TMEM143: variants seen among roughly 807,000 people sequenced by gnomAD.
TMEM143 encodes the protein transmembrane protein 143.
A neutral mutation model predicts 40.3 loss-of-function variants in TMEM143; 45 were observed. The observed-to-expected ratio is 1.12, with a 90% confidence interval of 0.88 to 1.43. The LOEUF is 1.43. TMEM143 is among the 40% of genes most tolerant of loss of function. The probability of loss-of-function intolerance (pLI) is 0.00; values close to 1 mark genes in which losing one functional copy is unlikely to be tolerated. For synonymous variants in TMEM143, 299 were observed against 282.7 expected (o/e 1.06, Z -0.58); for missense variants, 620 against 613.4 (o/e 1.01, Z -0.11).
chr19:48,337,066 T>A lies in TMEM143; in HGVS notation c.976-2869A>T, dbSNP rs190665397. Among the ~76,000 whole-genome samples the A allele has an allele frequency of 2.7e-4, 41 of 151,552 alleles. 1 individual carries two copies. The highest frequency in any genetic ancestry group is 5.3e-4 in the Admixed American group (8 of 15,238). On this transcript the variant is annotated intron_variant, in intron 6 of 7. Coordinates refer to ENST00000293261, the MANE Select transcript of TMEM143 (RefSeq NM_018273.4). ...AGAAAAAAAAGAAAACCTGTACCTG[T>A]ACCCAGATTCCTCCATTCAGCCACA... is the stretch of plus-strand genomic sequence containing the variant.
At chr19:48,359,664 G>A (rs891304499) in intron 3 of TMEM143, among the ~76,000 whole-genome samples, 1 of 151,718 alleles carries the variant, frequency 6.6e-6, no homozygotes, top group African/African-American at 2.4e-5. Context: ...CCCCCACCAC[G>A]CCCAGCTAAT....
chr19:48,343,476 TG>T, intron 4 of TMEM143, 25 bp from the exon 5 acceptor site: 1 of 1,556,572 alleles, frequency 6.4e-7, no homozygotes, highest in Admixed American at 1.9e-5. Context: ...AAGGAAGCAG[TG>T]GCGGGTGAAC....
chr19:48,357,851 C>G (rs1440575486), intron 3 of TMEM143, among the ~76,000 whole-genome samples: 1 of 150,450 alleles, frequency 6.6e-6, no homozygotes, highest in Non-Finnish European at 1.5e-5. Context: ...GCCGTATTCT[C>G]ACTTTATAAG....
At chr19:48,356,638 C>T (rs1356495424) in intron 3 of TMEM143, among the ~76,000 whole-genome samples, 2 of 143,974 alleles carry the variant, frequency 1.4e-5, no homozygotes, top group Non-Finnish European at 1.5e-5. Context: ...ACTCTTATTG[C>T]CCAGGCTGCA....
At chr19:48,348,705 G>A (rs556581) in intron 3 of TMEM143, among the ~76,000 whole-genome samples, 109,765 of 152,074 alleles carry the variant, frequency 0.72, 39,961 homozygotes, top group East Asian at 0.83. Flanking sequence ...GTAATTGCCC[G>A]AGGTCACATG....
intron 6 of TMEM143, among the ~76,000 whole-genome samples, chr19:48,337,286 C>T (rs963329597): frequency 1.3e-5 from 2 of 152,108 alleles, no homozygotes; most frequent in African/African-American, 2.4e-5. Flanking sequence ...CGGTGGCTCA[C>T]GCCTGTAATC....
chr19:48,342,839 G>A, intron 5 of TMEM143, 30 bp from the exon 6 acceptor site: 1 of 1,572,776 alleles, frequency 6.4e-7, no homozygotes, highest in South Asian at 1.2e-5. Context: ...GCAGGAGCAG[G>A]ATCGGGACTG....
chr19:48,334,170 C>T lies in TMEM143; in HGVS notation c.1003G>A (p.Ala335Thr), dbSNP rs764486895. The T allele has an allele frequency of 1.2e-5, 20 of 1,606,210 alleles. No individual in the cohort carries two copies. The East Asian group carries it at 3.1e-4, about 25-fold the overall frequency. Residue 335 changes from alanine (A) to threonine (T), a missense_variant, in exon 7 of 8, where the codon GCG becomes ACG. Transcript: ENST00000293261. ...KMFGQRRSAQ[A>T]LELAHMLYYR... ...TACAGCATGTGCGCCAGCTCCAACG[C>T]CTGCGCGCTGCGCCGCTGCCCGAAC...
intron 3 of TMEM143, among the ~76,000 whole-genome samples, chr19:48,353,892 A>G (rs754584674): frequency 4.0e-5 from 6 of 151,490 alleles, no homozygotes; most frequent in Non-Finnish European, 8.8e-5. Flanking sequence ...CAGCTACAGG[A>G]AGCCAGGAGA....
At chr19:48,346,011 CTGACA>C (rs1245180872) in intron 3 of TMEM143, among the ~76,000 whole-genome samples, 1 of 151,292 alleles carries the variant, frequency 6.6e-6, no homozygotes, top group African/African-American at 2.4e-5. Flanking sequence ...TCTCGAACTC[CTGACA>C]TGTGATCTAC....
At position 48,334,213 on chromosome 19, in the gene TMEM143, C is replaced by A. The variant is rs1450867994; in HGVS notation, c.976-16G>T. 3 of 1,580,824 alleles carry A rather than the reference C, an allele frequency of 1.9e-6. No individual in the cohort carries two copies. Among genetic ancestry groups the A allele is most frequent in the Admixed American group, 3.5e-5 (2 of 57,264 alleles). On this transcript the variant is annotated splice_polypyrimidine_tract_variant and intron_variant, in intron 6 of 7. Coordinates refer to ENST00000293261, the MANE Select transcript of TMEM143 (RefSeq NM_018273.4). ...GCCCGAACATCTGCAGGCGGGACAG[C>A]GCCCCGTGGGCTCAGTTCGGGGTGC...
intron 2 of TMEM143, among the ~76,000 whole-genome samples, chr19:48,362,464 C>T (rs777451053): frequency 4.5e-4 from 68 of 152,080 alleles, no homozygotes; most frequent in Non-Finnish European, 1.0e-4. Context: ...GCAGAGGTTG[C>T]AGTGAGCTGA....
At chr19:48,350,037 GT>G (rs1327542971) in intron 3 of TMEM143, among the ~76,000 whole-genome samples, 2 of 118,674 alleles carry the variant, frequency 1.7e-5, no homozygotes, top group African/African-American at 3.3e-5. Flanking sequence ...GTCTCACTCT[GT>G]CACCCAGGCT....
intron 6 of TMEM143, among the ~76,000 whole-genome samples, chr19:48,338,910 G>A (rs545128154): frequency 2.0e-5 from 3 of 152,318 alleles, no homozygotes; most frequent in East Asian, 3.9e-4. Context: ...GCAGGGGTTG[G>A]CCAGCCCAAC....
At chr19:48,350,082 C>T (rs1243759813) in intron 3 of TMEM143, among the ~76,000 whole-genome samples, 2 of 141,444 alleles carry the variant, frequency 1.4e-5, no homozygotes, top group Non-Finnish European at 3.0e-5. Flanking sequence ...CTCACTGCAA[C>T]CTCCGCCTCC....
Position 48,332,971 on chromosome 19 carries a change from TAAGA to T in TMEM143, c.*244_*247del, listed in dbSNP as rs1437091171. 1.4e-5 allele frequency: 5 copies of T among 352,662 alleles called. No homozygotes were observed. Among genetic ancestry groups the T allele is most frequent in the South Asian group, 1.1e-4 (1 of 9,066 alleles). 21.8% of individuals were successfully genotyped at this position (352,662 alleles called of 1,614,324 possible). On this transcript the variant is annotated 3_prime_UTR_variant, in exon 8 of 8. Transcript: ENST00000293261. The stretch of plus-strand genomic sequence containing the variant: ...TGGATGTTTATGGTGAGGGTGGGAC[TAAGA>T]AATGGAACAGAAGCAGAGCTAAATC...
intron 3 of TMEM143, among the ~76,000 whole-genome samples, chr19:48,351,181 G>T (rs1969764395): frequency 6.6e-6 from 1 of 151,968 alleles, no homozygotes; most frequent in Non-Finnish European, 1.5e-5. Flanking sequence ...AACCCACGAT[G>T]CCCCAAACCT....
intron 6 of TMEM143, among the ~76,000 whole-genome samples, 195 bp from the exon 7 acceptor site, chr19:48,334,392 T>C (rs1353353799): frequency 6.7e-6 from 1 of 149,982 alleles, no homozygotes. Flanking sequence ...TTGGGGTCTG[T>C]CTTTTCTTTT....
chr19:48,359,918 G>T, intron 3 of TMEM143, 154 bp downstream of exon 3: 1 of 652,534 alleles, frequency 1.5e-6, no homozygotes, highest in Non-Finnish European at 2.6e-6. Flanking sequence ...TTGGAATGTT[G>T]GCTCCATGAG....
Sources: gnomAD v4.1 joint callset for allele counts (sites outside exome capture counted in the v4.1 genomes callset) on GRCh38, gnomAD v4.1.1 for gene constraint, MANE v1.5 for transcripts, NCBI Gene and HGNC (gene_info 2026-07-23, HGNC 2026-07-21) for gene names.